PCYT1A: variants seen among roughly 807,000 people sequenced by gnomAD.
PCYT1A encodes phosphate cytidylyltransferase 1A, choline, also known as choline-phosphate cytidylyltransferase A.
A neutral mutation model predicts 43.7 loss-of-function variants in PCYT1A; 25 were observed. That is an observed-to-expected ratio of 0.57 (90% CI 0.42 to 0.80). PCYT1A has a LOEUF of 0.80. PCYT1A is among the 30% of genes least tolerant of loss of function. PCYT1A has a pLI of 0.00. For missense variants in PCYT1A, 421 were observed against 474.2 expected (o/e 0.89, Z 1.04); for synonymous variants, 172 against 170.7 (o/e 1.01, Z -0.06).
At chr3:196,257,673 C>A in intron 3 of PCYT1A, 115 bp downstream of exon 3, 1 of 637,800 alleles carries the variant, frequency 1.6e-6, no homozygotes, top group Non-Finnish European at 2.8e-6. Context: ...CCCTTCGCTG[C>A]TGGCCTTTGC....
rs754092372 is a variant in PCYT1A, at chr3:196,238,713, T to C, written c.1079A>G (p.Asp360Gly). Residue 360 changes from aspartate to glycine, a missense_variant, in exon 9 of 9, where the codon GAT becomes GGT. Coordinates refer to ENST00000431016, the MANE Select transcript of PCYT1A (RefSeq NM_001312673.2). ...TTAGTCTTCTTCATCCTCACTGATA[T>C]CATAGGCTGCAGCCTTGTGCCTGGA... ...NLSRHKAAAY[D>G]ISEDEED 16 of 1,576,840 alleles carry C rather than the reference T, an allele frequency of 1.0e-5. No homozygotes were observed. Among genetic ancestry groups the C allele is most frequent in the Non-Finnish European group, 1.3e-5 (15 of 1,162,968 alleles).
chr3:196,275,024 T>C (rs945230323), intron 1 of PCYT1A, among the ~76,000 whole-genome samples: 2 of 152,230 alleles, frequency 1.3e-5, no homozygotes, highest in African/African-American at 4.8e-5. Context: ...GTGGTCTGAG[T>C]GAACTACTCA....
chr3:196,283,159 G>A (rs1725815842), intron 1 of PCYT1A, among the ~76,000 whole-genome samples: 1 of 152,130 alleles, frequency 6.6e-6, no homozygotes, highest in Admixed American at 6.5e-5. Flanking sequence ...CCCACATGAT[G>A]AAACCCCGTC....
intron 3 of PCYT1A, among the ~76,000 whole-genome samples, chr3:196,253,485 TTTG>T (rs1279414363): frequency 6.6e-6 from 1 of 152,182 alleles, no homozygotes; most frequent in Non-Finnish European, 1.5e-5. Context: ...TGAAGACTAC[TTTG>T]TTGTTTCTTT....
intron 2 of PCYT1A, among the ~76,000 whole-genome samples, chr3:196,258,250 C>T (rs1172404953): frequency 6.7e-6 from 1 of 148,634 alleles, no homozygotes; most frequent in East Asian, 2.0e-4. Flanking sequence ...CAGACCATTG[C>T]ACTCCAGCCT....
At position 196,247,986 on chromosome 3, in the gene PCYT1A, A is replaced by G. The variant is rs1427910133; in HGVS notation, c.334+221T>C. On this transcript the variant is annotated intron_variant, in intron 4 of 8. Transcript: ENST00000431016. The surrounding 1 kb of genome is among the most constrained non-coding windows in gnomAD (Gnocchi z 4.8). ...CTCCTGTGACCACAGAAACTCAGCT[A>G]CAAGCAGTGAATAAATGCCAGATGG... 7 of 557,916 alleles carry G rather than the reference A, an allele frequency of 1.3e-5. No homozygotes were observed. Among genetic ancestry groups the G allele is most frequent in the Admixed American group, 3.1e-5 (1 of 32,158 alleles). The allele number at this position is 557,916 out of a possible 1,614,324, so 34.6% of individuals were successfully genotyped here.
chr3:196,266,888 T>C (rs1725288515), intron 2 of PCYT1A, among the ~76,000 whole-genome samples: 1 of 150,224 alleles, frequency 6.7e-6, no homozygotes, highest in African/African-American at 2.5e-5. Flanking sequence ...AAAAAAAAAA[T>C]TGCCGGGCAC....
chr3:196,249,997 G>GATACACCAT lies in PCYT1A; in HGVS notation c.218-1675_218-1674insATGGTGTAT, dbSNP rs1724699143. On this transcript the variant is annotated intron_variant, in intron 3 of 8. Transcript: ENST00000431016. ...ACCACATACACTATGCTGAGGATCAGGTACACCATGCCGAGGCTGAGGACC... is the reference window on the plus strand; with the variant it reads ...ACCACATACACTATGCTGAGGATCAGATACACCATGTACACCATGCCGAGGCTGAGGACC... Among the ~76,000 whole-genome samples, 6 of 138,558 alleles carry GATACACCAT rather than the reference G, an allele frequency of 4.3e-5. 2 individuals carry two copies. The highest frequency in any genetic ancestry group is 8.2e-5 in the African/African-American group (3 of 36,490). 90.9% of individuals were successfully genotyped at this position (138,558 alleles called of 152,430 possible). A position where few individuals can be genotyped will look rare whatever the true frequency, so the allele number is the denominator to read the frequency against.
intron 2 of PCYT1A, among the ~76,000 whole-genome samples, chr3:196,264,508 T>C (rs1725209821): frequency 6.6e-6 from 1 of 152,230 alleles, no homozygotes; most frequent in Non-Finnish European, 1.5e-5. Context: ...TTTCTTGAAT[T>C]CCTTGTATCC....
intron 2 of PCYT1A, among the ~76,000 whole-genome samples, chr3:196,259,439 T>C (rs1220360579): frequency 1.3e-5 from 2 of 152,210 alleles, no homozygotes; most frequent in African/African-American, 2.4e-5. Flanking sequence ...GATCGTATCA[T>C]GATTGGGCTG....
intron 3 of PCYT1A, among the ~76,000 whole-genome samples, chr3:196,249,172 G>T (rs1448783340): frequency 6.6e-6 from 1 of 150,940 alleles, no homozygotes; most frequent in Non-Finnish European, 1.5e-5. Flanking sequence ...TTTGAGACAG[G>T]GTCTCACTCT....
At position 196,259,080 on chromosome 3, in the gene PCYT1A, C is replaced by T. The variant is rs567709840; in HGVS notation, c.118-1193G>A. Among the ~76,000 whole-genome samples, 16 of 152,230 alleles carry T rather than the reference C, an allele frequency of 1.1e-4. No individual in the cohort carries two copies. In the East Asian group the frequency reaches 1.7e-3, roughly 17 times the overall value. ...TCACCGAGGCTAGAGTGCAGCGGCA[C>T]GATCATAGCTCTCTGCAGCCTCCAA... On this transcript the variant is annotated intron_variant, in intron 2 of 8. Coordinates refer to ENST00000431016, the MANE Select transcript of PCYT1A (RefSeq NM_001312673.2).
chr3:196,247,929 T>C lies in PCYT1A; in HGVS notation c.334+278A>G. ...ATGATAAACTGAAATCTAAAGCAAA[T>C]GTTTTAAAGTGGACAACGGAAGTCA... On this transcript the variant is annotated intron_variant, in intron 4 of 8. Transcript: ENST00000431016. The surrounding 1 kb of genome is among the most constrained non-coding windows in gnomAD (Gnocchi z 4.8). 1 of 503,274 alleles carries C rather than the reference T, an allele frequency of 2.0e-6. No individual in the cohort carries two copies. Among genetic ancestry groups the C allele is most frequent in the Non-Finnish European group, 3.6e-6 (1 of 276,980 alleles). 31.2% of individuals were successfully genotyped at this position (503,274 alleles called of 1,614,324 possible).
chr3:196,263,789 C>G (rs1032494806), intron 2 of PCYT1A, among the ~76,000 whole-genome samples: 1 of 152,068 alleles, frequency 6.6e-6, no homozygotes, highest in Admixed American at 6.6e-5. Context: ...CCCACCACCA[C>G]GCCCGGCTAA....
rs1010181634 is a variant in PCYT1A, at chr3:196,234,926, C to G, written c.*3762G>C. ...TTGAAAAATAGAACCTTTAAAAATA[C>G]TTATATTGGTAAGCTTAAAAAAATA... is the stretch of plus-strand genomic sequence containing the variant. On this transcript the variant is annotated 3_prime_UTR_variant, in exon 9 of 9. Coordinates refer to ENST00000431016, the MANE Select transcript of PCYT1A (RefSeq NM_001312673.2). 4.6e-5 allele frequency: 7 copies of G among 152,146 alleles called. No individual in the cohort carries two copies. The highest frequency in any genetic ancestry group is 1.0e-4 in the Non-Finnish European group (7 of 68,028). 9.4% of individuals were successfully genotyped at this position (152,146 alleles called of 1,614,324 possible). A position where few individuals can be genotyped will look rare whatever the true frequency, so the allele number is the denominator to read the frequency against.
intron 2 of PCYT1A, among the ~76,000 whole-genome samples, chr3:196,264,800 A>G (rs1725219816): frequency 6.6e-6 from 1 of 152,148 alleles, no homozygotes; most frequent in African/African-American, 2.4e-5. Flanking sequence ...ATACTGTATC[A>G]TAATTATTTG....
chr3:196,273,950 G>A lies in PCYT1A; in HGVS notation c.-10-3409C>T, dbSNP rs1560176508. Among the ~76,000 whole-genome samples the A allele has an allele frequency of 6.6e-6, 1 of 152,234 alleles. No homozygotes were observed. The highest frequency in any genetic ancestry group is 1.5e-5 in the Non-Finnish European group (1 of 68,032). ...TGTCCACAGCGCCCAGGCTATTCAC[G>A]AAGGGGCGCCTGCAGGCCTGAATGG... On this transcript the variant is annotated intron_variant, in intron 1 of 8. Transcript: ENST00000431016. This position sits in a 1 kb window ranked among gnomAD's most constrained non-coding sequence, Gnocchi z 4.1.
intron 3 of PCYT1A, chr3:196,250,839 T>A (rs1320924954): frequency 5.9e-6 from 1 of 170,860 alleles, no homozygotes; most frequent in African/African-American, 2.5e-5. Context: ...AGATACACTA[T>A]GCTGAGGATC....
At chr3:196,250,290 CCAGATACACTATGCTGAGGCTGAGGAT>C (rs1444461597) in intron 3 of PCYT1A, among the ~76,000 whole-genome samples, 2 of 149,332 alleles carry the variant, frequency 1.3e-5, no homozygotes, top group East Asian at 2.0e-4. Flanking sequence ...GAGGCGAGGA[CCAGATACACTATGCTGAGGCTGAGGAT>C]CAGATACACT....
Sources: allele counts gnomAD v4.1 joint callset (sites outside exome capture counted in the v4.1 genomes callset), GRCh38; gene constraint gnomAD v4.1.1; non-coding constraint Gnocchi (gnomAD v3.1); transcripts MANE v1.5; gene names NCBI Gene and HGNC (gene_info 2026-07-23, HGNC 2026-07-21).